The following DCAF8 variants were observed in gnomAD, a reference collection of about 807,000 sequenced individuals.
DCAF8 encodes the protein DDB1- and CUL4-associated factor 8.
In DCAF8, 20 loss-of-function variants were observed where a neutral mutation model predicts 68.0. That is an observed-to-expected ratio of 0.29 (90% CI 0.21 to 0.43). The LOEUF (loss-of-function observed/expected upper bound fraction) is 0.43. Among genes scored for constraint, DCAF8 ranks in the 20% least tolerant of loss-of-function variants. The probability of loss-of-function intolerance (pLI) is 1.00; values close to 1 mark genes in which losing one functional copy is unlikely to be tolerated. For synonymous variants in DCAF8, 230 were observed against 276.9 expected, an observed-to-expected ratio of 0.83 and a Z score of 1.68; for missense variants, 460 against 771.0, an observed-to-expected ratio of 0.60 and a Z score of 4.78.
chr1:160,251,781 T>G (rs1571111172), intron 2 of DCAF8, among the ~76,000 whole-genome samples: 3 of 152,208 alleles, frequency 2.0e-5, no homozygotes, highest in African/African-American at 7.2e-5. Context: ...ATAGTGTTTA[T>G]TAATCAGAGA....
intron 2 of DCAF8, among the ~76,000 whole-genome samples, chr1:160,250,187 G>A (rs993408450): frequency 9.2e-5 from 14 of 152,290 alleles, no homozygotes; most frequent in African/African-American, 2.4e-4. Flanking sequence ...AATGCAGGCC[G>A]GCGCAGTGGC....
At chr1:160,221,944 C>CA (rs1655311470) in intron 11 of DCAF8, among the ~76,000 whole-genome samples, 1 of 151,980 alleles carries the variant, frequency 6.6e-6, no homozygotes, top group South Asian at 2.1e-4. Flanking sequence ...CTGCAGAACT[C>CA]AAAGGCCAGG....
intron 6 of DCAF8, among the ~76,000 whole-genome samples, chr1:160,235,878 A>G (rs989978308): frequency 1.4e-4 from 22 of 152,108 alleles, no homozygotes; most frequent in South Asian, 6.2e-4. Flanking sequence ...AGCTAGGGTT[A>G]CAGGCACATG....
intron 2 of DCAF8, among the ~76,000 whole-genome samples, chr1:160,260,357 A>G (rs562450770): frequency 5.6e-4 from 86 of 152,356 alleles, no homozygotes; most frequent in African/African-American, 1.9e-3. Context: ...TTCTCTTTAT[A>G]TCTTACTGAT....
At chr1:160,243,822 T>C (rs1656215079) in intron 3 of DCAF8, 138 bp downstream of exon 3, 1 of 767,414 alleles carries the variant, frequency 1.3e-6, no homozygotes, top group Non-Finnish European at 2.2e-6. Flanking sequence ...GTGTTTCCTG[T>C]GTAGTTTCCT....
At chr1:160,248,474 G>A (rs537532321) in intron 2 of DCAF8, among the ~76,000 whole-genome samples, 25 of 152,158 alleles carry the variant, frequency 1.6e-4, no homozygotes, top group African/African-American at 4.3e-4. Context: ...GGAGGCTCAC[G>A]CCTGTAATCC....
chr1:160,220,173 T>C (rs1655251399), intron 11 of DCAF8: 1 of 152,274 alleles, frequency 6.6e-6, no homozygotes, highest in Non-Finnish European at 1.5e-5. Flanking sequence ...CCTCCTCCCA[T>C]TCCACATATC....
chr1:160,230,757 T>A (rs980530147), intron 7 of DCAF8, among the ~76,000 whole-genome samples: 1 of 151,606 alleles, frequency 6.6e-6, no homozygotes, highest in Non-Finnish European at 1.5e-5. Flanking sequence ...TAACTTCTTT[T>A]CTTTTCTTTT....
In DCAF8 at chr1:160,240,126, G is replaced by A; in HGVS notation, c.294C>T (p.Arg98=). The change falls in exon 4 of 14, where the codon CGC becomes CGT. Residue 98 remains arginine (R), a synonymous_variant. Transcript: ENST00000368074. ...SINDENRVHD[R]SEEEEEEEEE... ...CTTCCTCCTCTTCCTCTTCCTCTGA[G>A]CGGTCATGGACTCGATTTTCATCAT... The A allele has an allele frequency of 6.2e-7, 1 of 1,613,896 alleles. No individual in the cohort carries two copies. The highest frequency in any genetic ancestry group is 1.1e-5 in the South Asian group (1 of 91,038).
intron 7 of DCAF8, among the ~76,000 whole-genome samples, chr1:160,230,653 AT>A (rs1227289553): frequency 6.6e-6 from 1 of 152,254 alleles, no homozygotes; most frequent in East Asian, 1.9e-4. Context: ...GTTTATTTAC[AT>A]ACGAAAAAGG....
chr1:160,231,282 G>A lies in DCAF8; in HGVS notation c.1070+15C>T. On this transcript the variant is annotated intron_variant, in intron 7 of 13. Coordinates refer to ENST00000368074, the MANE Select transcript of DCAF8 (RefSeq NM_015726.4). ...CTTACAAACTGTCAAAGACACAAAA[G>A]AGCCACAAACTCACCTTACAAACTG... 2 of 1,588,226 alleles carry A rather than the reference G, an allele frequency of 1.3e-6. No individual in the cohort carries two copies. Among genetic ancestry groups the A allele is most frequent in the Non-Finnish European group, 1.7e-6 (2 of 1,156,738 alleles).
At chr1:160,222,415 C>G (rs1354984191) in intron 11 of DCAF8, among the ~76,000 whole-genome samples, 1 of 152,130 alleles carries the variant, frequency 6.6e-6, no homozygotes, top group African/African-American at 2.4e-5. Context: ...GAGGTTCTTC[C>G]CTAAGATCCC....
At chr1:160,226,975 G>A (rs1655498673) in intron 7 of DCAF8, among the ~76,000 whole-genome samples, 1 of 152,202 alleles carries the variant, frequency 6.6e-6, no homozygotes, top group Admixed American at 6.5e-5. Flanking sequence ...AGATCTCCAA[G>A]GGAAAATACA....
At position 160,217,545 on chromosome 1, in the gene DCAF8, C is replaced by A; in HGVS notation, c.*47G>T. The A allele has an allele frequency of 7.0e-7, 1 of 1,431,848 alleles. No individual in the cohort carries two copies. Among genetic ancestry groups the A allele is most frequent in the Non-Finnish European group, 9.8e-7 (1 of 1,025,394 alleles). The allele number at this position is 1,431,848 out of a possible 1,614,324, so 88.7% of individuals were successfully genotyped here. ...CTGGGACAGGAAAGGGTTGCCCAGGCAGGATCAGGTTGGCAGCCCCAGCCT... is the reference window on the plus strand; with the variant it reads ...CTGGGACAGGAAAGGGTTGCCCAGGAAGGATCAGGTTGGCAGCCCCAGCCT... On this transcript the variant is annotated 3_prime_UTR_variant, in exon 14 of 14. Transcript: ENST00000368074.
rs1655215946 is a variant in DCAF8 at position 160,219,105 on chromosome 1, T to C, written c.1441-137A>G. The C allele has an allele frequency of 3.2e-6, 4 of 1,256,228 alleles. No homozygotes were observed. In the South Asian group the frequency reaches 4.5e-5, roughly 14 times the overall value. 77.8% of individuals were successfully genotyped at this position (1,256,228 alleles called of 1,614,324 possible). ...CTGGGGAAGGGAGGCCCACCCATCC[T>C]GAGCCTAAGCCAAAGGGCACTGAGG... On this transcript the variant is annotated intron_variant, in intron 11 of 13. Coordinates refer to ENST00000368074, the MANE Select transcript of DCAF8 (RefSeq NM_015726.4).
chr1:160,240,488 G>T, intron 3 of DCAF8, 118 bp from the exon 4 acceptor site: 1 of 932,756 alleles, frequency 1.1e-6, no homozygotes, highest in Non-Finnish European at 1.6e-6. Flanking sequence ...TGGTCCAAGT[G>T]TTTTCATTAC....
At chr1:160,219,089 G>T (rs1480594141) in intron 11 of DCAF8, 121 bp from the exon 12 acceptor site, 2 of 1,414,180 alleles carry the variant, frequency 1.4e-6, no homozygotes, top group Admixed American at 4.6e-5. Flanking sequence ...GCTGGGGAAG[G>T]GAGGCCCACC....
chr1:160,262,488 G>A lies in DCAF8; in HGVS notation c.-140C>T. On this transcript the variant is annotated 5_prime_UTR_variant, in exon 1 of 14. Transcript: ENST00000368074. ...GCCACCACCACCGCCTCCGCTCTCT[G>A]CGCTTGCGCCTGCGCTGCCACGCTT... is the stretch of plus-strand genomic sequence containing the variant. The A allele has an allele frequency of 2.5e-6, 1 of 400,372 alleles. No homozygotes were observed. The highest frequency in any genetic ancestry group is 3.6e-5 in the East Asian group (1 of 28,122). 24.8% of individuals were successfully genotyped at this position (400,372 alleles called of 1,614,324 possible).
At chr1:160,221,509 C>CT (rs1390784910) in intron 11 of DCAF8, among the ~76,000 whole-genome samples, 1 of 152,134 alleles carries the variant, frequency 6.6e-6, no homozygotes, top group Non-Finnish European at 1.5e-5. Context: ...TTGAAATACC[C>CT]TTTCACCAGG....
Sources: allele counts gnomAD v4.1 joint callset (sites outside exome capture counted in the v4.1 genomes callset), GRCh38; gene constraint gnomAD v4.1.1; transcripts MANE v1.5; gene names NCBI Gene and HGNC (gene_info 2026-07-23, HGNC 2026-07-21).